LINGO2: variants seen among roughly 807,000 people sequenced by gnomAD.
The protein encoded by LINGO2 is leucine rich repeat and Ig domain containing 2, also known as leucine-rich repeat and immunoglobulin-like domain-containing nogo receptor-interacting protein 2.
In LINGO2, 14 loss-of-function variants were observed where a neutral mutation model predicts 30.6. That is an observed-to-expected ratio of 0.46 (90% CI 0.30 to 0.72). The LOEUF (loss-of-function observed/expected upper bound fraction) is 0.72, where lower values mean the gene tolerates loss of function less well. Ranked by LOEUF, LINGO2 falls within the 30% of genes least tolerant of loss-of-function variation. The probability of loss-of-function intolerance (pLI) is 0.07; values close to 1 mark genes in which losing one functional copy is unlikely to be tolerated. For synonymous variants in LINGO2, 317 were observed against 288.5 expected, an observed-to-expected ratio of 1.10 and a Z score of -1.00; for missense variants, 729 against 751.7, an observed-to-expected ratio of 0.97 and a Z score of 0.35.
intron 4 of LINGO2, among the ~76,000 whole-genome samples, chr9:28,219,956 T>G (rs893635604): frequency 6.6e-6 from 1 of 152,196 alleles, no homozygotes; most frequent in Non-Finnish European, 1.5e-5. Flanking sequence ...CCAGAAAATA[T>G]TACTTTCTGG....
chr9:28,270,250 G>A (rs913429185), intron 4 of LINGO2, among the ~76,000 whole-genome samples: 2 of 151,992 alleles, frequency 1.3e-5, no homozygotes, highest in African/African-American at 4.8e-5. Flanking sequence ...TCAGCCTGTG[G>A]GGTGATAGAA....
chr9:28,738,673 T>C, the LINGO2 span, among the ~76,000 whole-genome samples: 1 of 152,102 alleles, frequency 6.6e-6, no homozygotes, highest in African/African-American at 2.4e-5. Flanking sequence ...TATTAAATTA[T>C]TCAAACATCA....
At position 28,147,503 on chromosome 9, in the gene LINGO2, C is replaced by G. The variant is rs548526573; in HGVS notation, c.-86-135098G>C. Among the ~76,000 whole-genome samples, 1 of 152,326 alleles carries G rather than the reference C, an allele frequency of 6.6e-6. No homozygotes were observed. The highest frequency in any genetic ancestry group is 1.9e-4 in the East Asian group (1 of 5,156). Reference sequence around the variant, plus strand: ...AAGGCGGGCCTGGCTCCAGGCAGCACAGAGGCACTGGAGAGGCCCCGGGGG... The same window carrying G: ...AAGGCGGGCCTGGCTCCAGGCAGCAGAGAGGCACTGGAGAGGCCCCGGGGG... On this transcript the variant is annotated intron_variant, in intron 4 of 5. Coordinates refer to ENST00000379992, the Ensembl canonical transcript of LINGO2. The surrounding 1 kb of genome is among the most constrained non-coding windows in gnomAD (Gnocchi z 4.7).
the LINGO2 span, among the ~76,000 whole-genome samples, chr9:29,015,117 G>C: frequency 6.6e-6 from 1 of 152,060 alleles, no homozygotes; most frequent in Non-Finnish European, 1.5e-5. Flanking sequence ...GACGGACATA[G>C]AGTGTGGAGT....
the LINGO2 span, among the ~76,000 whole-genome samples, chr9:28,695,048 TACAAACAA>T: frequency 1.3e-4 from 19 of 150,150 alleles, no homozygotes; most frequent in Admixed American, 3.3e-4. Flanking sequence ...CAATCTCTAA[TACAAACAA>T]ACAAACAAAC....
At chr9:28,786,853 T>C in the LINGO2 span, among the ~76,000 whole-genome samples, 8 of 152,288 alleles carry the variant, frequency 5.3e-5, no homozygotes, top group East Asian at 1.5e-3. Context: ...TAAAGGATTT[T>C]TGACGGGTAA....
At chr9:28,364,197 A>C (rs926597238) in intron 3 of LINGO2, among the ~76,000 whole-genome samples, 1 of 152,196 alleles carries the variant, frequency 6.6e-6, no homozygotes, top group Non-Finnish European at 1.5e-5. Flanking sequence ...ATGATTAGAC[A>C]TAACAGTTTG....
chr9:28,575,994 C>T (rs1823966056), intron 1 of LINGO2, among the ~76,000 whole-genome samples: 1 of 151,780 alleles, frequency 6.6e-6, no homozygotes, highest in African/African-American at 2.4e-5. Flanking sequence ...ACATGCAGAT[C>T]CTCCTCTACT....
the LINGO2 span, among the ~76,000 whole-genome samples, chr9:28,704,751 G>T: frequency 6.6e-6 from 1 of 151,926 alleles, no homozygotes; most frequent in Non-Finnish European, 1.5e-5. Context: ...ATGATGTTTT[G>T]ATTCTTTCTT....
chr9:28,887,926 A>G, the LINGO2 span, among the ~76,000 whole-genome samples: 1 of 152,158 alleles, frequency 6.6e-6, no homozygotes, highest in Non-Finnish European at 1.5e-5. Context: ...ATTGTTTTAG[A>G]AAAAAGACAG....
intron 3 of LINGO2, among the ~76,000 whole-genome samples, chr9:28,358,335 C>T (rs1178437757): frequency 1.3e-5 from 2 of 152,216 alleles, no homozygotes; most frequent in Admixed American, 1.3e-4. Flanking sequence ...AAGCCTGGCT[C>T]CAGGATTCAC....
chr9:28,791,997 G>T, the LINGO2 span, among the ~76,000 whole-genome samples: 1 of 151,110 alleles, frequency 6.6e-6, no homozygotes, highest in Non-Finnish European at 1.5e-5. Flanking sequence ...TGTGTATACA[G>T]TGGTATATAC....
chr9:28,333,749 A>C (rs1456876568), intron 3 of LINGO2, among the ~76,000 whole-genome samples: 1 of 152,180 alleles, frequency 6.6e-6, no homozygotes, highest in Admixed American at 6.6e-5. Flanking sequence ...AGTTCTTTAA[A>C]AGTCATACAA....
At chr9:28,431,544 C>G (rs1823676888) in intron 2 of LINGO2, among the ~76,000 whole-genome samples, 1 of 152,130 alleles carries the variant, frequency 6.6e-6, no homozygotes, top group African/African-American at 2.4e-5. Flanking sequence ...GAATTTCTAG[C>G]ACCATGGCCC....
intron 3 of LINGO2, among the ~76,000 whole-genome samples, chr9:28,331,517 T>C (rs966789047): frequency 1.3e-5 from 2 of 152,128 alleles, no homozygotes; most frequent in Non-Finnish European, 2.9e-5. Context: ...TTCTTTTTTG[T>C]TTTTTGGAGA....
intron 4 of LINGO2, among the ~76,000 whole-genome samples, chr9:28,044,877 A>C (rs1260830787): frequency 6.6e-6 from 1 of 152,138 alleles, no homozygotes; most frequent in East Asian, 1.9e-4. Flanking sequence ...TGTACTTAGA[A>C]AATTTCACCT....
intron 1 of LINGO2, among the ~76,000 whole-genome samples, chr9:28,653,410 T>C (rs1828195923): frequency 6.6e-6 from 1 of 152,144 alleles, no homozygotes; most frequent in Non-Finnish European, 1.5e-5. Context: ...TCACTAATTA[T>C]AATAGGCCAT....
At chr9:28,670,866 T>C (rs1159136274), upstream of LINGO2, among the ~76,000 whole-genome samples, 1 of 152,102 alleles carries the variant, frequency 6.6e-6, no homozygotes. Flanking sequence ...CAGGGAGACA[T>C]AGAAAATAAA....
chr9:28,935,360 T>G, the LINGO2 span, among the ~76,000 whole-genome samples: 1 of 152,096 alleles, frequency 6.6e-6, no homozygotes, highest in Non-Finnish European at 1.5e-5. Context: ...CTTGGTGCAA[T>G]ACCCCATTAT....
Sources: allele counts gnomAD v4.1 joint callset (sites outside exome capture counted in the v4.1 genomes callset), GRCh38; gene constraint gnomAD v4.1.1; non-coding constraint Gnocchi (gnomAD v3.1); transcripts MANE v1.5; gene names NCBI Gene and HGNC (gene_info 2026-07-23, HGNC 2026-07-21).